Variants in POLR2B observed in about 807,000 individuals in gnomAD.
POLR2B encodes RNA polymerase II subunit B.
A neutral mutation model predicts 144.6 loss-of-function variants in POLR2B; 57 were observed. That is an observed-to-expected ratio of 0.39 (90% confidence interval 0.32 to 0.49). The LOEUF (loss-of-function observed/expected upper bound fraction) is 0.49, where lower values mean the gene tolerates loss of function less well. Among genes scored for constraint, POLR2B ranks in the 20% least tolerant of loss-of-function variants. The pLI is 0.83. For synonymous variants in POLR2B, 442 were observed against 469.8 expected (o/e 0.94, Z 0.77); for missense variants, 595 against 1,467.4 (o/e 0.41, Z 9.71).
chr4:57,006,891 G>A lies in POLR2B; in HGVS notation c.1293G>A (p.Leu431=), dbSNP rs1368896011. 6 of 1,613,076 alleles carry A rather than the reference G, an allele frequency of 3.7e-6. No individual in the cohort carries two copies. The highest frequency in any genetic ancestry group is 5.1e-6 in the Non-Finnish European group (6 of 1,179,114). Residue 431 remains leucine (L), a synonymous_variant, in exon 10 of 25, where the codon TTG becomes TTA. Transcript: ENST00000314595. ...KFIDRGKDFN[L]ELAIKTRIIS... ...TTGATCGAGGAAAGGATTTTAACTT[G>A]GAGTTGGCAATTAAAACACGGATCA...
At position 56,992,248 on chromosome 4, in the gene POLR2B, A is replaced by C. The variant is rs544109757; in HGVS notation, c.243+1350A>C. ...GAGGCCGAGGCGGGCAGATCACCTG[A>C]GCTCAAGAGTTTGAGACCAGCCTGG... On this transcript the variant is annotated intron_variant, in intron 3 of 24. Coordinates refer to ENST00000314595, the MANE Select transcript of POLR2B (RefSeq NM_000938.3). Among the ~76,000 whole-genome samples the C allele has an allele frequency of 2.6e-5, 4 of 151,914 alleles. No homozygotes were observed. In the South Asian group the frequency reaches 6.2e-4, roughly 24 times the overall value.
At chr4:56,987,024 T>A (rs892738992) in intron 2 of POLR2B, among the ~76,000 whole-genome samples, 1 of 152,184 alleles carries the variant, frequency 6.6e-6, no homozygotes, top group African/African-American at 2.4e-5. Context: ...TTCCTCAGTG[T>A]GTCTGTTCTT....
intron 1 of POLR2B, among the ~76,000 whole-genome samples, chr4:56,982,601 A>T (rs952287407): frequency 5.9e-5 from 9 of 152,028 alleles, no homozygotes; most frequent in Non-Finnish European, 1.3e-4. Context: ...TTAAAAAAAA[A>T]TTGCGTCCTT....
intron 1 of POLR2B, chr4:56,985,418 C>T (rs1015707977): frequency 9.1e-6 from 9 of 984,790 alleles, no homozygotes; most frequent in Non-Finnish European, 1.1e-5. Context: ...GGATGGCACT[C>T]CCCCCCGCCG....
Position 57,031,148 on chromosome 4 carries a change from TG to T in POLR2B, c.*161del. On this transcript the variant is annotated 3_prime_UTR_variant, in exon 25 of 25. Coordinates refer to ENST00000314595, the MANE Select transcript of POLR2B (RefSeq NM_000938.3). ...CTTCTGTAAATATATAATAAATTTT[TG>T]TAGATAGTCTTGATGTGTGATCTTT... 1.4e-6 allele frequency: 1 copy of T among 721,640 alleles called. No homozygotes were observed. Among genetic ancestry groups the T allele is most frequent in the Non-Finnish European group, 2.4e-6 (1 of 421,332 alleles). The allele number at this position is 721,640 out of a possible 1,614,324, so 44.7% of individuals were successfully genotyped here.
At chr4:57,003,441 T>C (rs1722914960) in intron 7 of POLR2B, among the ~76,000 whole-genome samples, 1 of 142,852 alleles carries the variant, frequency 7.0e-6, no homozygotes, top group South Asian at 2.3e-4. Flanking sequence ...AAAAATAAAA[T>C]AACTTTTGGG....
chr4:57,008,787 C>T (rs867397730), intron 10 of POLR2B, among the ~76,000 whole-genome samples: 6 of 152,096 alleles, frequency 3.9e-5, no homozygotes, highest in Non-Finnish European at 8.8e-5. Context: ...GCCCAAGTTG[C>T]GAGGTAGGTA....
chr4:57,005,710 T>A lies in POLR2B; in HGVS notation c.1208T>A (p.Leu403Ter). The change falls in exon 9 of 25, where the codon TTA becomes TAA. Residue 403 changes from leucine (L) to a stop codon, truncating the protein, a stop_gained. Coordinates refer to ENST00000314595, the MANE Select transcript of POLR2B (RefSeq NM_000938.3). LOFTEE classifies it high-confidence loss of function. ...CTTGCTGGGCCGCTGCTTGCATTCTTATTTAGAGGGTAAGGAATTACAGAA... is the reference window on the plus strand; with the variant it reads ...CTTGCTGGGCCGCTGCTTGCATTCTAATTTAGAGGGTAAGGAATTACAGAA... ...LDLAGPLLAF[L>*]FRGMFKNLLK... 2 of 1,611,806 alleles carry A rather than the reference T, an allele frequency of 1.2e-6. No homozygotes were observed. The highest frequency in any genetic ancestry group is 1.7e-5 in the Admixed American group (1 of 59,532).
In POLR2B at chr4:57,010,377, C is replaced by CT. The variant is rs1560479755; in HGVS notation, c.1425dup (p.Ala476CysfsTer16). 6.2e-7 allele frequency: 1 copy of CT among 1,613,846 alleles called. No individual in the cohort carries two copies. The highest frequency in any genetic ancestry group is 8.5e-7 in the Non-Finnish European group (1 of 1,179,928). On this transcript the variant is annotated frameshift_variant, in exon 11 of 25. Transcript: ENST00000314595. LOFTEE classifies it high-confidence loss of function. ...TTTTTCTAGGTGTTAAACCGCCTGA[C>CT]TTTTGCGTCTACTCTTTCTCACCTG... is the stretch of plus-strand genomic sequence containing the variant.
At chr4:57,016,592 A>G (rs1723373855) in intron 14 of POLR2B, among the ~76,000 whole-genome samples, 1 of 150,960 alleles carries the variant, frequency 6.6e-6, no homozygotes, top group Non-Finnish European at 1.5e-5. Flanking sequence ...ATATAATCTA[A>G]ATTATTACAT....
chr4:57,016,711 A>G (rs951765556), intron 14 of POLR2B, among the ~76,000 whole-genome samples: 1 of 150,004 alleles, frequency 6.7e-6, no homozygotes, highest in African/African-American at 2.4e-5. Context: ...GTATACTAAT[A>G]TAAAAATCAT....
intron 3 of POLR2B, among the ~76,000 whole-genome samples, chr4:56,992,896 G>A (rs990611964): frequency 6.6e-6 from 1 of 152,028 alleles, no homozygotes; most frequent in East Asian, 1.9e-4. Context: ...ATTGTTGAAA[G>A]CTTTGAATGT....
chr4:56,982,483 G>A (rs1722185911), intron 1 of POLR2B, among the ~76,000 whole-genome samples: 1 of 151,732 alleles, frequency 6.6e-6, no homozygotes, highest in South Asian at 2.1e-4. Flanking sequence ...GAGGTGGGAG[G>A]ACTGCTTGAG....
intron 7 of POLR2B, among the ~76,000 whole-genome samples, chr4:57,003,202 C>T (rs917031540): frequency 3.5e-5 from 5 of 144,582 alleles, no homozygotes; most frequent in East Asian, 2.1e-4. Flanking sequence ...GAGGCTGAGG[C>T]GGGCAGATCA....
chr4:56,991,471 C>G (rs1722506098), intron 3 of POLR2B, among the ~76,000 whole-genome samples: 1 of 151,924 alleles, frequency 6.6e-6, no homozygotes. Context: ...AATGACTGTC[C>G]CAGTTTTAGA....
intron 7 of POLR2B, among the ~76,000 whole-genome samples, chr4:57,004,877 G>A (rs1428432713): frequency 6.6e-6 from 1 of 151,998 alleles, no homozygotes; most frequent in Admixed American, 6.6e-5. Flanking sequence ...AGAGATGGGG[G>A]TTTCGCCATG....
intron 23 of POLR2B, 24 bp from the exon 24 acceptor site, chr4:57,030,180 G>A (rs775257446): frequency 1.2e-5 from 19 of 1,586,012 alleles, no homozygotes; most frequent in Non-Finnish European, 1.6e-5. Flanking sequence ...TAAGTACAAA[G>A]TAATAATTTT....
At chr4:57,014,930 A>G (rs980404288) in intron 13 of POLR2B, among the ~76,000 whole-genome samples, 10 of 152,206 alleles carry the variant, frequency 6.6e-5, no homozygotes, top group African/African-American at 1.9e-4. Flanking sequence ...TTTCAAATGC[A>G]TTATGTAGTT....
Position 57,015,554 on chromosome 4 carries a change from C to T in POLR2B, c.1853C>T (p.Ala618Val). Residue 618 changes from alanine to valine, a missense_variant, in exon 14 of 25, where the codon GCA becomes GTA. Coordinates refer to ENST00000314595, the MANE Select transcript of POLR2B (RefSeq NM_000938.3). ...AGGGAGATTCGGATCTATACGGATG[C>T]AGGCCGTATTTGTAGACCACTTCTG... Reference protein sequence around the residue: ...REREIRIYTDAGRICRPLLIV... With the variant: ...REREIRIYTDVGRICRPLLIV... 6.7e-7 allele frequency: 1 copy of T among 1,487,128 alleles called. No individual in the cohort carries two copies. The highest frequency in any genetic ancestry group is 9.1e-7 in the Non-Finnish European group (1 of 1,102,038). 92.1% of individuals were successfully genotyped at this position (1,487,128 alleles called of 1,614,324 possible). A position where few individuals can be genotyped will look rare whatever the true frequency, so the allele number is the denominator to read the frequency against.
Sources: allele counts gnomAD v4.1 joint callset (sites outside exome capture counted in the v4.1 genomes callset), GRCh38; gene constraint gnomAD v4.1.1; transcripts MANE v1.5; gene names NCBI Gene and HGNC (gene_info 2026-07-23, HGNC 2026-07-21).